RIOK3: variants seen among roughly 807,000 people sequenced by gnomAD.
RIOK3 encodes the protein serine/threonine-protein kinase RIO3.
Under a neutral mutation model 63.5 loss-of-function variants are expected in RIOK3, and 40 were observed. The ratio of observed to expected loss-of-function variants is 0.63; its 90% CI spans 0.49 to 0.82. The LOEUF (loss-of-function observed/expected upper bound fraction) is 0.82, where lower values mean the gene tolerates loss of function less well. Ranked by LOEUF, RIOK3 falls within the 40% of genes least tolerant of loss-of-function variation. The probability of loss-of-function intolerance (pLI) is 0.00; values close to 1 mark genes in which losing one functional copy is unlikely to be tolerated. For missense variants in RIOK3, 557 were observed against 637.0 expected, an observed-to-expected ratio of 0.87 and a Z score of 1.35; for synonymous variants, 193 against 205.0, an observed-to-expected ratio of 0.94 and a Z score of 0.50.
At chr18:23,467,764 A>ATATTATTAT (rs34323259) in intron 7 of RIOK3, among the ~76,000 whole-genome samples, 9 of 150,334 alleles carry the variant, frequency 6.0e-5, no homozygotes, top group African/African-American at 2.2e-4. Flanking sequence ...TTCAATGCGT[A>ATATTATTAT]TATTATTATT....
In RIOK3 at chr18:23,464,634, T is replaced by G; in HGVS notation, c.543+6T>G. Reference sequence around the variant, plus strand: ...ACACAGCAAGAATGGAAAATGTAAGTTACAGAAAGTATCTATCTCTGAATT... The same window carrying G: ...ACACAGCAAGAATGGAAAATGTAAGGTACAGAAAGTATCTATCTCTGAATT... On this transcript the variant is annotated splice_donor_region_variant and intron_variant, in intron 5 of 12. Transcript: ENST00000339486. The G allele has an allele frequency of 1.3e-6, 2 of 1,525,110 alleles. No individual in the cohort carries two copies. The highest frequency in any genetic ancestry group is 1.8e-6 in the Non-Finnish European group (2 of 1,119,006). The allele number at this position is 1,525,110 out of a possible 1,614,324, so 94.5% of individuals were successfully genotyped here.
intron 1 of RIOK3, among the ~76,000 whole-genome samples, chr18:23,457,913 G>A (rs1247012359): frequency 2.7e-5 from 4 of 150,234 alleles, no homozygotes; most frequent in African/African-American, 9.8e-5. Flanking sequence ...TTTTTTTTTG[G>A]AGACAGAGTC....
intron 12 of RIOK3, among the ~76,000 whole-genome samples, chr18:23,479,791 G>A (rs1035877547): frequency 3.9e-5 from 6 of 152,054 alleles, no homozygotes; most frequent in African/African-American, 9.7e-5. Context: ...TGGCCAGGCC[G>A]GTCTTGAACT....
chr18:23,472,468 C>G (rs1387620268), intron 7 of RIOK3, among the ~76,000 whole-genome samples: 1 of 152,092 alleles, frequency 6.6e-6, no homozygotes, highest in Non-Finnish European at 1.5e-5. Flanking sequence ...AACATCCTAT[C>G]AGATATTTAA....
In RIOK3 at chr18:23,475,117, G is replaced by T; in HGVS notation, c.1173+10G>T. On this transcript the variant is annotated intron_variant, in intron 9 of 12. Coordinates refer to ENST00000339486, the MANE Select transcript of RIOK3 (RefSeq NM_003831.5). ...CTATCAAACTCTTCATGTAAGTTGT[G>T]CTTTTAAAAGAATTCACACACTACC... is the stretch of plus-strand genomic sequence containing the variant. 1 of 1,592,686 alleles carries T rather than the reference G, an allele frequency of 6.3e-7. No individual in the cohort carries two copies. The highest frequency in any genetic ancestry group is 2.2e-5 in the East Asian group (1 of 44,754).
At chr18:23,464,470 T>C (rs765088137) in intron 4 of RIOK3, 49 bp from the exon 5 acceptor site, 1 of 1,278,360 alleles carries the variant, frequency 7.8e-7, no homozygotes, top group Non-Finnish European at 1.1e-6. Context: ...AATGCAGCAA[T>C]GTAGTCTTTG....
In RIOK3 at chr18:23,483,094, T is replaced by A. The variant is rs923791095; in HGVS notation, c.*1815T>A. 3 of 152,228 alleles carry A rather than the reference T, an allele frequency of 2.0e-5. No individual in the cohort carries two copies. Among genetic ancestry groups the A allele is most frequent in the Admixed American group, 1.3e-4 (2 of 15,268 alleles). 9.4% of individuals were successfully genotyped at this position (152,228 alleles called of 1,614,324 possible). On this transcript the variant is annotated 3_prime_UTR_variant, in exon 13 of 13. Coordinates refer to ENST00000339486, the MANE Select transcript of RIOK3 (RefSeq NM_003831.5). ...GCTGTGTGGCATTCTTGGAGTGTGC[T>A]GTGAATGTGCTTTTTAAGAAATTAA...
At chr18:23,465,430 A>C (rs2057400473) in intron 5 of RIOK3, among the ~76,000 whole-genome samples, 1 of 152,160 alleles carries the variant, frequency 6.6e-6, no homozygotes, top group South Asian at 2.1e-4. Flanking sequence ...GGTTAATATA[A>C]TATATTAAAC....
At chr18:23,466,471 G>A (rs1473665595) in intron 6 of RIOK3, among the ~76,000 whole-genome samples, 195 bp downstream of exon 6, 1 of 151,918 alleles carries the variant, frequency 6.6e-6, no homozygotes, top group Non-Finnish European at 1.5e-5. Context: ...ATGGAGACAG[G>A]AGGATTACTT....
chr18:23,456,674 T>C (rs1266503514), intron 1 of RIOK3, among the ~76,000 whole-genome samples: 1 of 152,196 alleles, frequency 6.6e-6, no homozygotes, highest in East Asian at 1.9e-4. Context: ...ATTACAGGTG[T>C]GAACCACCAC....
intron 12 of RIOK3, among the ~76,000 whole-genome samples, chr18:23,480,420 A>G (rs2057523185): frequency 6.6e-6 from 1 of 152,190 alleles, no homozygotes; most frequent in Non-Finnish European, 1.5e-5. Context: ...CTGTTTCTGG[A>G]ATGTTTTATA....
Position 23,477,196 on chromosome 18 carries a change from C to A in RIOK3, c.1272C>A (p.Val424=). 1 of 1,613,598 alleles carries A rather than the reference C, an allele frequency of 6.2e-7. No homozygotes were observed. Among genetic ancestry groups the A allele is most frequent in the Non-Finnish European group, 8.5e-7 (1 of 1,179,574 alleles). Residue 424 remains valine (V), a synonymous_variant, in exon 11 of 13, where the codon GTC becomes GTA. Transcript: ENST00000339486. Reference sequence around the variant, plus strand: ...TGAAATAGGTCTGGTTGATCGATGTCAGTCAGTCAGTAGAACCTACCCACC... The same window carrying A: ...TGAAATAGGTCTGGTTGATCGATGTAAGTCAGTCAGTAGAACCTACCCACC... ...WHAGKVWLID[V]SQSVEPTHPH...
At position 23,476,007 on chromosome 18, in the gene RIOK3, G is replaced by A. The variant is rs1036012885; in HGVS notation, c.1173+900G>A. On this transcript the variant is annotated intron_variant, in intron 9 of 12. Transcript: ENST00000339486. ...TCACTATGTTGCCCAGGCTGGTCTCGAACTCCTGGGCTCAAGTGATCCTCT... is the reference window on the plus strand; with the variant it reads ...TCACTATGTTGCCCAGGCTGGTCTCAAACTCCTGGGCTCAAGTGATCCTCT... Among the ~76,000 whole-genome samples, 7 of 134,356 alleles carry A rather than the reference G, an allele frequency of 5.2e-5. No homozygotes were observed. The Admixed American group carries it at 6.0e-4, about 11-fold the overall frequency. 88.1% of individuals were successfully genotyped at this position (134,356 alleles called of 152,430 possible). A position where few individuals can be genotyped will look rare whatever the true frequency, so the allele number is the denominator to read the frequency against.
chr18:23,464,004 G>A lies in RIOK3; in HGVS notation c.217G>A (p.Asp73Asn). 1 of 1,611,714 alleles carries A rather than the reference G, an allele frequency of 6.2e-7. No homozygotes were observed. Among genetic ancestry groups the A allele is most frequent in the South Asian group, 1.1e-5 (1 of 90,644 alleles). Reference protein sequence around the residue: ...EGPFITGENIDTSSDLMLAQM... With the variant: ...EGPFITGENINTSSDLMLAQM... ...ACCATTTATTACTGGAGAAAACATT[G>A]ATACTTCCAGTGACCTTATGCTGGC... The change falls in exon 3 of 13, where the codon GAT (aspartate) becomes AAT (asparagine). Residue 73 changes from aspartate to asparagine, a missense_variant. Physicochemically the swap from Asp to Asn is conservative, Grantham distance 23 (BLOSUM62 1). Transcript: ENST00000339486.
At chr18:23,480,720 AAGG>A (rs902866928) in intron 12 of RIOK3, among the ~76,000 whole-genome samples, 6 of 152,176 alleles carry the variant, frequency 3.9e-5, no homozygotes, top group Admixed American at 6.6e-5. Context: ...TTGGGAGGCC[AAGG>A]AGGGAGGATC....
chr18:23,465,387 A>C (rs192017380), intron 5 of RIOK3, among the ~76,000 whole-genome samples: 105 of 152,306 alleles, frequency 6.9e-4, no homozygotes, highest in Admixed American at 7.8e-4. Flanking sequence ...AACAAACAAA[A>C]AAAAAGCATT....
At position 23,480,824 on chromosome 18, in the gene RIOK3, C is replaced by T. The variant is rs552645799; in HGVS notation, c.1453-348C>T. 3.3e-5 allele frequency among the ~76,000 whole-genome samples: 5 copies of T among 152,142 alleles called. No individual in the cohort carries two copies. In the East Asian group the frequency reaches 5.8e-4, roughly 18 times the overall value. On this transcript the variant is annotated intron_variant, in intron 12 of 12. Transcript: ENST00000339486. ...AAAACTGGCTGGACACGGTGGCTCA[C>T]GCCTGTAATCCTAGCACTCTGAGAG...
Position 23,477,931 on chromosome 18 carries a change from G to A in RIOK3, c.1344+663G>A, listed in dbSNP as rs140971731. ...CGAAAAATACAAAAAAATTAGTTGGGTGCGGTAGCGTGTGCCTGTAATCCC... is the reference window on the plus strand; with the variant it reads ...CGAAAAATACAAAAAAATTAGTTGGATGCGGTAGCGTGTGCCTGTAATCCC... On this transcript the variant is annotated intron_variant, in intron 11 of 12. Transcript: ENST00000339486. 1.7e-3 allele frequency among the ~76,000 whole-genome samples: 258 copies of A among 152,036 alleles called. 1 individual carries two copies. Among genetic ancestry groups the A allele is most frequent in the African/African-American group, 6.0e-3 (247 of 41,434 alleles).
At chr18:23,469,200 G>T (rs578206546) in intron 7 of RIOK3, among the ~76,000 whole-genome samples, 2 of 152,214 alleles carry the variant, frequency 1.3e-5, no homozygotes, top group East Asian at 1.9e-4. Context: ...CCAGGGAGTG[G>T]CTATCCCACA....
Sources: allele counts gnomAD v4.1 joint callset (sites outside exome capture counted in the v4.1 genomes callset), GRCh38; gene constraint gnomAD v4.1.1; transcripts MANE v1.5; gene names NCBI Gene and HGNC (gene_info 2026-07-23, HGNC 2026-07-21).